Variants in ARMC9 observed in about 807,000 individuals in gnomAD.
ARMC9 encodes the protein lisH domain-containing protein ARMC9.
A neutral mutation model predicts 107.0 loss-of-function variants in ARMC9; 94 were observed. The ratio of observed to expected loss-of-function variants is 0.88; its 90% CI spans 0.74 to 1.04. The LOEUF (loss-of-function observed/expected upper bound fraction) is 1.04, where lower values mean the gene tolerates loss of function less well. ARMC9 is among the 50% of genes least tolerant of loss of function. ARMC9 has a pLI of 0.00. For synonymous variants in ARMC9, 380 were observed against 396.9 expected (o/e 0.96, Z 0.51); for missense variants, 942 against 1,030.1 (o/e 0.91, Z 1.17).
intron 13 of ARMC9, among the ~76,000 whole-genome samples, chr2:231,271,745 A>G (rs2039344711): frequency 3.3e-5 from 5 of 152,226 alleles, no homozygotes; most frequent in Admixed American, 3.3e-4. Flanking sequence ...GACCATTCAT[A>G]TAATAATACT....
rs1472108107 is a variant in ARMC9 at position 231,214,960 on chromosome 2, C to T, written c.307C>T (p.His103Tyr). The change falls in exon 4 of 25, where the codon CAT becomes TAT. Residue 103 changes from histidine to tyrosine, a missense_variant. Coordinates refer to ENST00000611582, the MANE Select transcript of ARMC9 (RefSeq NM_001352754.2). ...GAAGCTGGAATTCTATCTCCACATC[C>T]ATTTTGCCATCTATCTTTTGAAGTA... Reference protein sequence around the residue: ...AQKLEFYLHIHFAIYLLKYSV... With the variant: ...AQKLEFYLHIYFAIYLLKYSV... The T allele has an allele frequency of 3.1e-6, 5 of 1,614,002 alleles. No individual in the cohort carries two copies. Among genetic ancestry groups the T allele is most frequent in the Non-Finnish European group, 4.2e-6 (5 of 1,180,026 alleles).
At chr2:231,250,948 A>G (rs2037240630) in intron 9 of ARMC9, among the ~76,000 whole-genome samples, 1 of 152,302 alleles carries the variant, frequency 6.6e-6, no homozygotes. Flanking sequence ...TAAAGTTCCT[A>G]CAGTGGCATG....
intron 16 of ARMC9, among the ~76,000 whole-genome samples, chr2:231,278,964 C>G (rs1308781478): frequency 6.6e-6 from 1 of 152,162 alleles, no homozygotes; most frequent in African/African-American, 2.4e-5. Context: ...TGCAAAATAG[C>G]CCCTTGTTTG....
In ARMC9 at chr2:231,235,319, A is replaced by T. The variant is rs1172875074; in HGVS notation, c.718A>T (p.Asn240Tyr). The change falls in exon 8 of 25, where the codon AAT becomes TAT. Residue 240 changes from asparagine to tyrosine, a missense_variant. By Grantham distance (143) the Asn-to-Tyr change is moderately radical. Coordinates refer to ENST00000611582, the MANE Select transcript of ARMC9 (RefSeq NM_001352754.2). ...CAATAAGATCCAGGCCGACTACCAC[A>T]ATCTCATTGGAGTCACAGCAGAGCT... is the stretch of plus-strand genomic sequence containing the variant. ...RYNKIQADYH[N>Y]LIGVTAELVD... 9 of 1,614,252 alleles carry T rather than the reference A, an allele frequency of 5.6e-6. No homozygotes were observed. The highest frequency in any genetic ancestry group is 7.6e-6 in the Non-Finnish European group (9 of 1,180,044).
intron 23 of ARMC9, 120 bp downstream of exon 23, chr2:231,361,003 A>G: frequency 1.4e-6 from 2 of 1,387,714 alleles, no homozygotes; most frequent in Non-Finnish European, 1.9e-6. Context: ...AGCCTCTGAC[A>G]GGGGAGGCTA....
chr2:231,289,334 G>T (rs374314850), intron 17 of ARMC9, among the ~76,000 whole-genome samples: 7 of 152,220 alleles, frequency 4.6e-5, no homozygotes, highest in East Asian at 1.9e-4. Context: ...AGGCATGGTG[G>T]CACATGCCTG....
chr2:231,307,558 A>G (rs1217510042), intron 19 of ARMC9, among the ~76,000 whole-genome samples: 2 of 152,210 alleles, frequency 1.3e-5, no homozygotes, highest in Admixed American at 6.5e-5. Context: ...AATGGAAGAC[A>G]TGGCTAAAAC....
Position 231,291,895 on chromosome 2 carries a change from G to A in ARMC9, c.1717+452G>A, listed in dbSNP as rs753342125. On this transcript the variant is annotated intron_variant, in intron 18 of 24. Coordinates refer to ENST00000611582, the MANE Select transcript of ARMC9 (RefSeq NM_001352754.2). ...AAAAGTTCAGCCAGGTAGGCTGAGC[G>A]TGGTGGTTCACACCTGTAATCCCAG... is the stretch of plus-strand genomic sequence containing the variant. Among the ~76,000 whole-genome samples, 8 of 151,886 alleles carry A rather than the reference G, an allele frequency of 5.3e-5. 1 individual carries two copies. The highest frequency in any genetic ancestry group is 3.4e-3 in the Middle Eastern group (1 of 294).
chr2:231,366,609 G>A (rs1479130714), intron 23 of ARMC9, among the ~76,000 whole-genome samples: 2 of 151,972 alleles, frequency 1.3e-5, no homozygotes, highest in African/African-American at 4.8e-5. Context: ...TTGGGAGGCC[G>A]AGGTGGGTGG....
chr2:231,326,051 C>G (rs1205991943), intron 19 of ARMC9, among the ~76,000 whole-genome samples: 1 of 152,166 alleles, frequency 6.6e-6, no homozygotes, highest in African/African-American at 2.4e-5. Context: ...AGCCCTCCCT[C>G]CCATTACTCT....
At chr2:231,327,149 C>T (rs2043379601) in intron 19 of ARMC9, among the ~76,000 whole-genome samples, 1 of 152,200 alleles carries the variant, frequency 6.6e-6, no homozygotes, top group Admixed American at 6.5e-5. Context: ...GAAGCTTTGG[C>T]AGGGACGAGG....
intron 1 of ARMC9, among the ~76,000 whole-genome samples, chr2:231,202,238 G>A (rs988066437): frequency 4.0e-5 from 6 of 151,620 alleles, no homozygotes; most frequent in African/African-American, 1.5e-4. Context: ...AGCATCAGGC[G>A]ATCTGCCTGC....
intron 19 of ARMC9, among the ~76,000 whole-genome samples, chr2:231,329,510 T>C (rs1239035901): frequency 6.6e-6 from 1 of 152,056 alleles, no homozygotes; most frequent in Non-Finnish European, 1.5e-5. Context: ...GTTTTCACCA[T>C]GTTGGTCAGG....
At chr2:231,223,270 G>T (rs1418561745) in intron 6 of ARMC9, among the ~76,000 whole-genome samples, 1 of 152,116 alleles carries the variant, frequency 6.6e-6, no homozygotes, top group African/African-American at 2.4e-5. Context: ...ATCTACCCAT[G>T]GTAAGTGTAC....
chr2:231,341,567 A>C (rs1440144618), intron 20 of ARMC9, among the ~76,000 whole-genome samples: 1 of 149,364 alleles, frequency 6.7e-6, no homozygotes, highest in Non-Finnish European at 1.5e-5. Flanking sequence ...GACTGCTAAC[A>C]GTGTCTGCCT....
At chr2:231,268,854 G>T (rs936535484) in intron 12 of ARMC9, among the ~76,000 whole-genome samples, 2 of 151,852 alleles carry the variant, frequency 1.3e-5, no homozygotes, top group Non-Finnish European at 2.9e-5. Flanking sequence ...TTGAGCCCAG[G>T]AGTTTGTGAG....
rs377041652 is a variant in ARMC9 at position 231,276,811 on chromosome 2, G to A, written c.1474+36G>A. 3.1e-5 allele frequency: 50 copies of A among 1,609,496 alleles called. No homozygotes were observed. In the African/African-American group the frequency reaches 5.2e-4, roughly 17 times the overall value. On this transcript the variant is annotated intron_variant, in intron 15 of 24. Coordinates refer to ENST00000611582, the MANE Select transcript of ARMC9 (RefSeq NM_001352754.2). ...CGACCCTCATTCTAGTGCAAGAAGG[G>A]GAAGAGATCTTGACTCTTGAAGCTG...
chr2:231,237,450 A>T (rs577584697), intron 8 of ARMC9, among the ~76,000 whole-genome samples: 1 of 152,034 alleles, frequency 6.6e-6, no homozygotes, highest in Non-Finnish European at 1.5e-5. Flanking sequence ...TGCAGTGAAC[A>T]TCCTTGTGAA....
intron 23 of ARMC9, among the ~76,000 whole-genome samples, chr2:231,369,508 G>A (rs1344340841): frequency 6.6e-5 from 10 of 151,944 alleles, no homozygotes; most frequent in African/African-American, 2.2e-4. Flanking sequence ...TGGTCAGGCT[G>A]GTCTCGAACT....
Sources: allele counts gnomAD v4.1 joint callset (sites outside exome capture counted in the v4.1 genomes callset), GRCh38; gene constraint gnomAD v4.1.1; transcripts MANE v1.5; gene names NCBI Gene and HGNC (gene_info 2026-07-23, HGNC 2026-07-21).